The following MAPK10 variants were observed in gnomAD, a reference collection of about 807,000 sequenced individuals.
MAPK10 encodes the protein mitogen-activated protein kinase 10, also known as JNK3 alpha protein kinase.
A neutral mutation model predicts 59.3 loss-of-function variants in MAPK10; 25 were observed. The observed-to-expected ratio is 0.42, with a 90% confidence interval of 0.31 to 0.59. MAPK10 has a LOEUF of 0.59. Ranked by LOEUF, MAPK10 falls within the 20% of genes least tolerant of loss-of-function variation. The pLI is 0.15. For missense variants in MAPK10, 351 were observed against 568.9 expected, an observed-to-expected ratio of 0.62 and a Z score of 3.90; for synonymous variants, 190 against 200.5, an observed-to-expected ratio of 0.95 and a Z score of 0.44.
chr4:86,276,828 A>G (rs1404677899), intron 2 of MAPK10, among the ~76,000 whole-genome samples: 1 of 152,164 alleles, frequency 6.6e-6, no homozygotes, highest in African/African-American at 2.4e-5. Flanking sequence ...ACTGAAGCCC[A>G]GAAAGGCTAA....
rs1756523401 is a variant in MAPK10, at chr4:86,514,636, C to G, written c.-263+79274G>C. On this transcript the variant is annotated intron_variant, in intron 1 of 4. Transcript: ENST00000502302. ...GTGTACATTTACATGTATATTACAGCTTAAATAATATTCAGAAGCATCCAC... is the reference window on the plus strand; with the variant it reads ...GTGTACATTTACATGTATATTACAGGTTAAATAATATTCAGAAGCATCCAC... Among the ~76,000 whole-genome samples the G allele has an allele frequency of 2.0e-5, 3 of 152,096 alleles. No individual in the cohort carries two copies. The South Asian group carries it at 6.2e-4, about 32-fold the overall frequency.
intron 11 of MAPK10, among the ~76,000 whole-genome samples, chr4:86,033,011 A>G (rs2039415539): frequency 6.6e-6 from 1 of 151,904 alleles, no homozygotes; most frequent in African/African-American, 2.4e-5. Flanking sequence ...AATAGTAAGA[A>G]CACAACACAT....
At chr4:86,473,065 C>T (rs1382452452) in intron 1 of MAPK10, among the ~76,000 whole-genome samples, 1 of 152,198 alleles carries the variant, frequency 6.6e-6, no homozygotes, top group Non-Finnish European at 1.5e-5. Flanking sequence ...ACACTCTCCA[C>T]TGTTAACAGG....
chr4:86,577,403 A>G (rs1411225632), intron 1 of MAPK10, among the ~76,000 whole-genome samples: 1 of 152,156 alleles, frequency 6.6e-6, no homozygotes, highest in Non-Finnish European at 1.5e-5. Flanking sequence ...AGAAATAAAG[A>G]ATCAAACACA....
intron 4 of MAPK10, among the ~76,000 whole-genome samples, chr4:86,131,265 G>A (rs1032385712): frequency 2.0e-5 from 3 of 152,164 alleles, no homozygotes; most frequent in African/African-American, 7.2e-5. Flanking sequence ...CCTAGTGGGT[G>A]TTTTTGCCTG....
At chr4:86,490,305 A>G (rs1754361327) in intron 1 of MAPK10, among the ~76,000 whole-genome samples, 1 of 152,106 alleles carries the variant, frequency 6.6e-6, no homozygotes, top group South Asian at 2.1e-4. Context: ...TGTAGACTTG[A>G]GGAGAAAGAA....
chr4:86,207,200 A>T (rs1364487138), intron 2 of MAPK10, among the ~76,000 whole-genome samples: 3 of 151,374 alleles, frequency 2.0e-5, no homozygotes, highest in Non-Finnish European at 2.9e-5. Flanking sequence ...TAAGTCTTTA[A>T]TCCATCTTGA....
intron 1 of MAPK10, among the ~76,000 whole-genome samples, chr4:86,429,201 A>G (rs1747705326): frequency 6.6e-6 from 1 of 152,182 alleles, no homozygotes; most frequent in African/African-American, 2.4e-5. Context: ...AGGTTTCCAC[A>G]TGCTTCCAGG....
intron 1 of MAPK10, among the ~76,000 whole-genome samples, chr4:86,487,452 G>A (rs186218903): frequency 1.2e-4 from 18 of 151,988 alleles, no homozygotes; most frequent in Admixed American, 5.9e-4. Flanking sequence ...AATCTGGGCC[G>A]GGTGCGGTGG....
intron 2 of MAPK10, among the ~76,000 whole-genome samples, chr4:86,235,478 A>G (rs1272783956): frequency 6.6e-6 from 1 of 152,184 alleles, no homozygotes; most frequent in African/African-American, 2.4e-5. Context: ...CTGCAAGCTT[A>G]TGCTTTGTGC....
At chr4:86,075,150 T>A (rs939855952) in intron 9 of MAPK10, among the ~76,000 whole-genome samples, 1 of 152,104 alleles carries the variant, frequency 6.6e-6, no homozygotes, top group African/African-American at 2.4e-5. Flanking sequence ...CATTTCATCT[T>A]CCATCACTGA....
At chr4:86,352,020 C>T (rs564138831) in intron 2 of MAPK10, 1 of 152,058 alleles carries the variant, frequency 6.6e-6, no homozygotes. Context: ...ATGTATCTAC[C>T]TGATTAGCAA....
At chr4:86,091,856 T>G (rs1383056783) in intron 9 of MAPK10, among the ~76,000 whole-genome samples, 2 of 151,914 alleles carry the variant, frequency 1.3e-5, no homozygotes, top group African/African-American at 4.8e-5. Context: ...GTATTTTTAG[T>G]AGAGGTGGGG....
intron 2 of MAPK10, among the ~76,000 whole-genome samples, chr4:86,344,928 A>G (rs1041359176): frequency 1.3e-5 from 2 of 152,190 alleles, no homozygotes; most frequent in African/African-American, 2.4e-5. Context: ...TTTCAATAGC[A>G]AAGGATAATT....
intron 1 of MAPK10, among the ~76,000 whole-genome samples, chr4:86,391,842 T>C (rs749832274): frequency 2.6e-5 from 4 of 152,190 alleles, no homozygotes; most frequent in African/African-American, 7.2e-5. Flanking sequence ...CCAGGACAAA[T>C]AGCCCTTTCA....
chr4:86,451,328 T>C (rs1750693434), intron 1 of MAPK10, among the ~76,000 whole-genome samples: 1 of 152,168 alleles, frequency 6.6e-6, no homozygotes, highest in Non-Finnish European at 1.5e-5. Context: ...GATGAATTAT[T>C]AAATAGAGTA....
intron 2 of MAPK10, among the ~76,000 whole-genome samples, chr4:86,324,945 A>G (rs1298068427): frequency 6.6e-6 from 1 of 152,184 alleles, no homozygotes; most frequent in Non-Finnish European, 1.5e-5. Context: ...TACAGTCTGA[A>G]CAAGCTCTCA....
At chr4:86,199,547 A>C (rs954107564) in intron 2 of MAPK10, among the ~76,000 whole-genome samples, 3 of 152,008 alleles carry the variant, frequency 2.0e-5, no homozygotes, top group Admixed American at 1.3e-4. Context: ...AAAATCCAAG[A>C]GATGAGATAA....
At position 86,166,120 on chromosome 4, in the gene MAPK10, G is replaced by C. The variant is rs570189947; in HGVS notation, c.67-6653C>G. Reference sequence around the variant, plus strand: ...TGCTTGAATACTTATTAGGCACCAAGCTAGTATGAGTAACAGGCAATGTGC... The same window carrying C: ...TGCTTGAATACTTATTAGGCACCAACCTAGTATGAGTAACAGGCAATGTGC... On this transcript the variant is annotated intron_variant, in intron 3 of 13. Coordinates refer to ENST00000641462, the MANE Select transcript of MAPK10 (RefSeq NM_138982.4). 3.9e-5 allele frequency among the ~76,000 whole-genome samples: 6 copies of C among 152,266 alleles called. No homozygotes were observed. The East Asian group carries it at 1.2e-3, about 29-fold the overall frequency.
Sources: gnomAD v4.1 joint callset for allele counts (sites outside exome capture counted in the v4.1 genomes callset) on GRCh38, gnomAD v4.1.1 for gene constraint, MANE v1.5 for transcripts, NCBI Gene and HGNC (gene_info 2026-07-23, HGNC 2026-07-21) for gene names.